EVI5: variants seen among roughly 807,000 people sequenced by gnomAD.
EVI5 encodes ecotropic viral integration site 5 protein homolog.
In EVI5, 73 loss-of-function variants were observed where a neutral mutation model predicts 112.0. The ratio of observed to expected loss-of-function variants is 0.65; its 90% CI spans 0.54 to 0.79. The LOEUF (loss-of-function observed/expected upper bound fraction) is 0.79. Among genes scored for constraint, EVI5 ranks in the 30% least tolerant of loss-of-function variants. The pLI is 0.00. For missense variants in EVI5, 900 were observed against 968.8 expected, an observed-to-expected ratio of 0.93 and a Z score of 0.94; for synonymous variants, 305 against 319.9, an observed-to-expected ratio of 0.95 and a Z score of 0.50.
chr1:92,664,511 G>A (rs1323820911), intron 11 of EVI5, among the ~76,000 whole-genome samples: 2 of 147,202 alleles, frequency 1.4e-5, no homozygotes, highest in Non-Finnish European at 3.0e-5. Flanking sequence ...CTAAGAAGAT[G>A]CATATTTGAC....
chr1:92,594,878 C>T (rs1232692049), intron 18 of EVI5, among the ~76,000 whole-genome samples: 4 of 152,066 alleles, frequency 2.6e-5, no homozygotes, highest in East Asian at 1.9e-4. Flanking sequence ...TACCATCTCA[C>T]ACCAGTTAGA....
chr1:92,644,792 C>T (rs1008708146), intron 13 of EVI5, among the ~76,000 whole-genome samples: 12 of 152,004 alleles, frequency 7.9e-5, no homozygotes, highest in South Asian at 2.1e-4. Flanking sequence ...TGGGTAAAAA[C>T]GTATTAATTT....
upstream of EVI5, among the ~76,000 whole-genome samples, chr1:92,785,483 G>GC (rs1338364046): frequency 2.0e-5 from 3 of 152,208 alleles, no homozygotes; most frequent in Non-Finnish European, 4.4e-5. Context: ...TCGGAAGGCA[G>GC]CCCCGAGCTC....
At chr1:92,708,912 A>G (rs1672425324) in intron 2 of EVI5, among the ~76,000 whole-genome samples, 1 of 152,172 alleles carries the variant, frequency 6.6e-6, no homozygotes, top group South Asian at 2.1e-4. Flanking sequence ...AAGAAAGAAA[A>G]TAGATCAGCA....
At chr1:92,627,767 C>G (rs576989573) in intron 14 of EVI5, among the ~76,000 whole-genome samples, 1 of 151,966 alleles carries the variant, frequency 6.6e-6, no homozygotes, top group East Asian at 1.9e-4. Flanking sequence ...TTGCATTTCC[C>G]TGATCATTAG....
At chr1:92,554,082 C>T (rs1667354986) in intron 19 of EVI5, among the ~76,000 whole-genome samples, 1 of 152,160 alleles carries the variant, frequency 6.6e-6, no homozygotes, top group South Asian at 2.1e-4. Context: ...ATGCTAGTAG[C>T]ACCAAATGGA....
chr1:92,687,843 C>T (rs1246582913), intron 9 of EVI5, among the ~76,000 whole-genome samples: 1 of 152,192 alleles, frequency 6.6e-6, no homozygotes, highest in African/African-American at 2.4e-5. Flanking sequence ...GAGATACCAT[C>T]TCATGCCAGT....
At chr1:92,750,878 C>T (rs1051806177) in intron 1 of EVI5, among the ~76,000 whole-genome samples, 10 of 152,152 alleles carry the variant, frequency 6.6e-5, no homozygotes, top group Non-Finnish European at 8.8e-5. Flanking sequence ...GGGCCGGGTG[C>T]GGTGGCTCAC....
rs1668255074 is a variant in EVI5 at position 92,559,853 on chromosome 1, C to A, written c.2166+3789G>T. 2.0e-5 allele frequency among the ~76,000 whole-genome samples: 3 copies of A among 147,398 alleles called. No individual in the cohort carries two copies. In the South Asian group the frequency reaches 6.6e-4, roughly 33 times the overall value. Reference sequence around the variant, plus strand: ...GTGACCTCATCTGCAAAACCTTTCACAAACATCATTTTTTCATTAGAAACA... The same window carrying A: ...GTGACCTCATCTGCAAAACCTTTCAAAAACATCATTTTTTCATTAGAAACA... On this transcript the variant is annotated intron_variant, in intron 19 of 19. Coordinates refer to ENST00000684568, the MANE Select transcript of EVI5 (RefSeq NM_001350197.2).
At chr1:92,768,149 A>G (rs992681379) in intron 1 of EVI5, among the ~76,000 whole-genome samples, 2 of 1,760 alleles carry the variant, frequency 1.1e-3, no homozygotes, top group Admixed American at 0.015. Flanking sequence ...TATAACAGGA[A>G]AAAAAAAATC....
intron 1 of EVI5, among the ~76,000 whole-genome samples, chr1:92,744,683 A>G (rs1679005729): frequency 1.3e-5 from 2 of 151,792 alleles, no homozygotes; most frequent in South Asian, 4.2e-4. Context: ...GGTGGTTTCT[A>G]GAGTGGCTCT....
intron 2 of EVI5, among the ~76,000 whole-genome samples, chr1:92,716,448 C>T (rs1377261156): frequency 6.6e-6 from 1 of 152,174 alleles, no homozygotes; most frequent in Non-Finnish European, 1.5e-5. Flanking sequence ...ACATCCACAC[C>T]AAAATCCCAT....
At chr1:92,777,164 C>T (rs1684255639) in intron 1 of EVI5, among the ~76,000 whole-genome samples, 1 of 152,078 alleles carries the variant, frequency 6.6e-6, no homozygotes. Context: ...TCTTAAACTC[C>T]TGACCTCAGG....
chr1:92,695,519 A>G (rs1670182669), intron 6 of EVI5, 66 bp from the exon 7 acceptor site: 2 of 1,067,846 alleles, frequency 1.9e-6, no homozygotes, highest in Non-Finnish European at 2.7e-6. Flanking sequence ...GATTATATTT[A>G]TACTAGATTA....
chr1:92,748,361 A>T (rs957075315), intron 1 of EVI5, among the ~76,000 whole-genome samples: 5 of 152,148 alleles, frequency 3.3e-5, no homozygotes, highest in Non-Finnish European at 7.4e-5. Context: ...ACATACCCCC[A>T]ACTGATTCTA....
At chr1:92,662,930 G>T in intron 12 of EVI5, 65 bp from the exon 13 acceptor site, 1 of 858,448 alleles carries the variant, frequency 1.2e-6, no homozygotes, top group Middle Eastern at 4.6e-4. Flanking sequence ...CTGCCTTTGT[G>T]AGGTTTAGTT....
chr1:92,692,467 T>C (rs1048429080), intron 9 of EVI5, among the ~76,000 whole-genome samples: 9 of 152,212 alleles, frequency 5.9e-5, no homozygotes, highest in South Asian at 2.1e-4. Context: ...CGTATCAACA[T>C]GATGGTGGTT....
intron 19 of EVI5, among the ~76,000 whole-genome samples, chr1:92,520,787 G>A (rs1660769340): frequency 6.6e-6 from 1 of 151,556 alleles, no homozygotes. Flanking sequence ...GGAGGTCAAG[G>A]CTGCAGTGAG....
intron 13 of EVI5, among the ~76,000 whole-genome samples, chr1:92,654,283 C>G (rs899345503): frequency 6.6e-6 from 1 of 152,094 alleles, no homozygotes; most frequent in African/African-American, 2.4e-5. Context: ...AATGCACAAC[C>G]CAACAGAAAA....
Sources: gnomAD v4.1 joint callset for allele counts (sites outside exome capture counted in the v4.1 genomes callset) on GRCh38, gnomAD v4.1.1 for gene constraint, MANE v1.5 for transcripts, NCBI Gene and HGNC (gene_info 2026-07-23, HGNC 2026-07-21) for gene names.